TSTD2: variants seen among roughly 807,000 people sequenced by gnomAD.
TSTD2 encodes thiosulfate sulfurtransferase/rhodanese-like domain-containing protein 2.
In TSTD2, 37 loss-of-function variants were observed where a neutral mutation model predicts 47.9. The ratio of observed to expected loss-of-function variants is 0.77; its 90% CI spans 0.59 to 1.02. The LOEUF (loss-of-function observed/expected upper bound fraction) is 1.02, where lower values mean the gene tolerates loss of function less well. Ranked by LOEUF, TSTD2 falls within the 50% of genes least tolerant of loss-of-function variation. TSTD2 has a pLI of 0.00. For missense variants in TSTD2, 586 were observed against 616.0 expected (o/e 0.95, Z 0.52); for synonymous variants, 201 against 215.9 (o/e 0.93, Z 0.61).
At position 97,604,966 on chromosome 9, in the gene TSTD2, C is replaced by T. The variant is rs1198297437; in HGVS notation, c.1114-101G>A. On this transcript the variant is annotated intron_variant, in intron 8 of 9. Coordinates refer to ENST00000341170, the MANE Select transcript of TSTD2 (RefSeq NM_139246.5). Reference sequence around the variant, plus strand: ...TGGCGAGGAGTGCTGACGTAGAGGACTCATGGCCGCTGCTATCAGTCAGGG... The same window carrying T: ...TGGCGAGGAGTGCTGACGTAGAGGATTCATGGCCGCTGCTATCAGTCAGGG... 1.0e-5 allele frequency: 15 copies of T among 1,505,608 alleles called. No homozygotes were observed. In the East Asian group the frequency reaches 1.2e-4, roughly 12 times the overall value. 93.3% of individuals were successfully genotyped at this position (1,505,608 alleles called of 1,614,324 possible). A position where few individuals can be genotyped will look rare whatever the true frequency, so the allele number is the denominator to read the frequency against.
Position 97,601,745 on chromosome 9 carries a change from A to G in TSTD2, c.*724T>C, listed in dbSNP as rs970780032. Reference sequence around the variant, plus strand: ...TAAACTATACAGTTGACCCTTGAACAATATGGGTTTGAACTGCATGGCTGC... The same window carrying G: ...TAAACTATACAGTTGACCCTTGAACGATATGGGTTTGAACTGCATGGCTGC... On this transcript the variant is annotated 3_prime_UTR_variant, in exon 10 of 10. Transcript: ENST00000341170. 4.4e-6 allele frequency: 1 copy of G among 229,022 alleles called. No individual in the cohort carries two copies. The highest frequency in any genetic ancestry group is 2.3e-5 in the African/African-American group (1 of 43,016). The allele number at this position is 229,022 out of a possible 1,614,324, so 14.2% of individuals were successfully genotyped here.
intron 4 of TSTD2, among the ~76,000 whole-genome samples, chr9:97,614,729 G>A (rs1400694313): frequency 6.6e-6 from 1 of 152,174 alleles, no homozygotes; most frequent in Non-Finnish European, 1.5e-5. Context: ...ACCCTGGCAG[G>A]TTCTAGAAAA....
chr9:97,607,604 T>G (rs769483714), intron 6 of TSTD2, among the ~76,000 whole-genome samples: 1 of 152,010 alleles, frequency 6.6e-6, no homozygotes, highest in Non-Finnish European at 1.5e-5. Flanking sequence ...AAAAGGGAGA[T>G]TCAAACATGG....
intron 1 of TSTD2, 132 bp from the exon 2 acceptor site, chr9:97,627,744 A>G (rs1229821296): frequency 1.8e-6 from 1 of 540,548 alleles, no homozygotes; most frequent in African/African-American, 1.9e-5. Flanking sequence ...TACTAAATCA[A>G]TAGTATTTAC....
At chr9:97,626,036 C>T in intron 2 of TSTD2, 39 bp from the exon 3 acceptor site, 1 of 1,552,652 alleles carries the variant, frequency 6.4e-7, no homozygotes, top group Middle Eastern at 2.4e-4. Flanking sequence ...GTTAAATAAC[C>T]TTAGGTTTAT....
intron 7 of TSTD2, 144 bp downstream of exon 7, chr9:97,605,999 G>C: frequency 2.8e-6 from 2 of 719,398 alleles, no homozygotes; most frequent in Non-Finnish European, 4.8e-6. Context: ...TTTAGGACTT[G>C]GGTTTTCTCT....
At chr9:97,628,451 T>C (rs1255443915) in intron 1 of TSTD2, among the ~76,000 whole-genome samples, 2 of 152,150 alleles carry the variant, frequency 1.3e-5, no homozygotes, top group South Asian at 2.1e-4. Flanking sequence ...AATTGTGCAT[T>C]GTAGTATCTA....
intron 9 of TSTD2, among the ~76,000 whole-genome samples, chr9:97,603,381 A>G (rs562978008): frequency 6.6e-6 from 1 of 152,282 alleles, no homozygotes; most frequent in African/African-American, 2.4e-5. Flanking sequence ...GCTACCTCTG[A>G]GCCTTCCCTC....
chr9:97,607,179 A>T (rs891807694), intron 6 of TSTD2, among the ~76,000 whole-genome samples: 2 of 152,124 alleles, frequency 1.3e-5, no homozygotes, highest in Non-Finnish European at 1.5e-5. Context: ...AAATATATAT[A>T]CAAAGGGACT....
At chr9:97,616,575 A>AG (rs577499093) in intron 4 of TSTD2, among the ~76,000 whole-genome samples, 98 of 152,274 alleles carry the variant, frequency 6.4e-4, no homozygotes, top group Non-Finnish European at 1.1e-3. Context: ...ATATTTGAAG[A>AG]GGTGGAAATG....
chr9:97,619,976 T>G (rs1826603927), intron 3 of TSTD2, among the ~76,000 whole-genome samples: 1 of 152,218 alleles, frequency 6.6e-6, no homozygotes, highest in Admixed American at 6.5e-5. Context: ...TCTAAACATC[T>G]AATCCTATGA....
chr9:97,633,211 A>C (rs1826873275), intron 1 of TSTD2, 32 bp downstream of exon 1: 1 of 160,768 alleles, frequency 6.2e-6, no homozygotes, highest in African/African-American at 2.4e-5. Context: ...AAGGCGGCAA[A>C]AGCCGGAAAG....
At chr9:97,604,674 G>C (rs553474988) in intron 9 of TSTD2, 53 bp downstream of exon 9, 1 of 1,609,096 alleles carries the variant, frequency 6.2e-7, no homozygotes, top group African/African-American at 1.3e-5. Context: ...CTAGAATAGT[G>C]AACTGACAAT....
rs188010130 is a variant in TSTD2, at chr9:97,609,117, G to A, written c.835+1229C>T. On this transcript the variant is annotated intron_variant, in intron 6 of 9. Coordinates refer to ENST00000341170, the MANE Select transcript of TSTD2 (RefSeq NM_139246.5). The stretch of plus-strand genomic sequence containing the variant: ...GGTGACATACATACTGAATCTCAAG[G>A]ACTTAGCATGAAAAAAAGTAAACTA... Among the ~76,000 whole-genome samples, 177 of 151,718 alleles carry A rather than the reference G, an allele frequency of 1.2e-3. 1 individual carries two copies. The highest frequency in any genetic ancestry group is 4.1e-3 in the African/African-American group (170 of 41,374).
At position 97,625,929 on chromosome 9, in the gene TSTD2, C is replaced by T; in HGVS notation, c.234G>A (p.Leu78=). ...TKRSFECKEK[L]WKCCRQLFTD... ...TGAATAGCTGCCGACAGCATTTCCACAATTTTTCTTTACATTCAAAACTCC... is the reference window on the plus strand; with the variant it reads ...TGAATAGCTGCCGACAGCATTTCCATAATTTTTCTTTACATTCAAAACTCC... The change falls in exon 3 of 10, where the codon TTG becomes TTA. Residue 78 remains leucine, a synonymous_variant. Transcript: ENST00000341170. 1 of 1,613,980 alleles carries T rather than the reference C, an allele frequency of 6.2e-7. No individual in the cohort carries two copies. The highest frequency in any genetic ancestry group is 8.5e-7 in the Non-Finnish European group (1 of 1,179,934).
In TSTD2 at chr9:97,600,559, G is replaced by C; in HGVS notation, c.*1910C>G. ...ACAGTGGGCAAATGGCTTATGTGAG[G>C]TAAGACACTAGAGGGATAAATTTCC... On this transcript the variant is annotated 3_prime_UTR_variant, in exon 10 of 10. Transcript: ENST00000341170. The C allele has an allele frequency of 1.0e-6, 1 of 985,930 alleles. No individual in the cohort carries two copies. Among genetic ancestry groups the C allele is most frequent in the Non-Finnish European group, 1.2e-6 (1 of 830,328 alleles). 61.1% of individuals were successfully genotyped at this position (985,930 alleles called of 1,614,324 possible). A position where few individuals can be genotyped will look rare whatever the true frequency, so the allele number is the denominator to read the frequency against.
In TSTD2 at chr9:97,602,544, G is replaced by A. The variant is rs774465092; in HGVS notation, c.1476C>T (p.Leu492=). ...TARRPRIPRE[L]LQHVRQPVSP... ...TCACAGGCTGTCGCACATGCTGCAA[G>A]AGTTCCCTAGGTATGCGTGGCCGTC... Residue 492 remains leucine (L), a synonymous_variant, in exon 10 of 10, where the codon CTC becomes CTT. Coordinates refer to ENST00000341170, the MANE Select transcript of TSTD2 (RefSeq NM_139246.5). The A allele has an allele frequency of 1.9e-5, 30 of 1,614,198 alleles. No homozygotes were observed. In the South Asian group the frequency reaches 3.2e-4, roughly 17 times the overall value.
intron 6 of TSTD2, among the ~76,000 whole-genome samples, chr9:97,608,856 G>A (rs773235412): frequency 2.6e-5 from 4 of 151,964 alleles, no homozygotes; most frequent in African/African-American, 4.8e-5. Flanking sequence ...TCCTAATCCC[G>A]TTTCCCCCTG....
At chr9:97,623,577 A>G (rs891693673) in intron 3 of TSTD2, among the ~76,000 whole-genome samples, 3 of 152,216 alleles carry the variant, frequency 2.0e-5, no homozygotes, top group African/African-American at 7.2e-5. Flanking sequence ...CCTTGCAAAC[A>G]GGCTGGATGC....
Sources: allele counts gnomAD v4.1 joint callset (sites outside exome capture counted in the v4.1 genomes callset), GRCh38; gene constraint gnomAD v4.1.1; transcripts MANE v1.5; gene names NCBI Gene and HGNC (gene_info 2026-07-23, HGNC 2026-07-21).